Variants in COBLL1 observed in about 807,000 individuals in gnomAD.
The protein encoded by COBLL1 is cordon-bleu WH2 repeat protein like 1.
In COBLL1, 50 loss-of-function variants were observed where a neutral mutation model predicts 94.8. The ratio of observed to expected loss-of-function variants is 0.53; its 90% CI spans 0.42 to 0.67. The LOEUF (loss-of-function observed/expected upper bound fraction) is 0.67. Among genes scored for constraint, COBLL1 ranks in the 30% least tolerant of loss-of-function variants. The pLI, the probability that COBLL1 is intolerant of heterozygous loss-of-function variation, is 0.00. For missense variants in COBLL1, 1,362 were observed against 1,348.7 expected (o/e 1.01, Z -0.15); for synonymous variants, 448 against 473.8 (o/e 0.95, Z 0.71).
chr2:164,727,056 T>C, intron 5 of COBLL1: 2 of 951,082 alleles, frequency 2.1e-6, no homozygotes. Context: ...TTAATTTCAA[T>C]ATATCCAATT....
chr2:164,674,910 T>C lies in COBLL1; in HGVS notation n.127-9009A>G, dbSNP rs185683549. 2.4e-3 allele frequency among the ~76,000 whole-genome samples: 373 copies of C among 152,390 alleles called. 3 individuals carry two copies. The highest frequency in any genetic ancestry group is 8.6e-3 in the African/African-American group (358 of 41,590). On this transcript the variant is annotated intron_variant and non_coding_transcript_variant, in intron 1 of 2. Coordinates refer to the COBLL1 transcript ENST00000495084. ...TCTTTGTTATTTCTACACTGAATCA[T>C]ACCCTTTTAAATGAAGCAAGTGAAA...
rs1415006543 is a variant in COBLL1 at position 164,684,076 on chromosome 2, T to C, written c.*1870A>G. 1 of 152,166 alleles carries C rather than the reference T, an allele frequency of 6.6e-6. No individual in the cohort carries two copies. Among genetic ancestry groups the C allele is most frequent in the Non-Finnish European group, 1.5e-5 (1 of 68,006 alleles). 9.4% of individuals were successfully genotyped at this position (152,166 alleles called of 1,614,324 possible). The stretch of plus-strand genomic sequence containing the variant: ...CACTGTTTGATGTTCCTGACAACAC[T>C]TGCTATTTTGAAACTTCCGTTTTTG... On this transcript the variant is annotated 3_prime_UTR_variant, in exon 14 of 14. Coordinates refer to ENST00000652658, the MANE Select transcript of COBLL1 (RefSeq NM_001365672.2).
At chr2:164,703,362 A>C in intron 9 of COBLL1, 2 of 601,790 alleles carry the variant, frequency 3.3e-6, no homozygotes, top group South Asian at 2.1e-5. Context: ...AAAAGGAAAA[A>C]AACAAATGAA....
At chr2:164,820,716 G>C (rs1418807276) in intron 2 of COBLL1, among the ~76,000 whole-genome samples, 1 of 152,136 alleles carries the variant, frequency 6.6e-6, no homozygotes, top group Non-Finnish European at 1.5e-5. Context: ...CTACCCTCTT[G>C]CATGATCACA....
At chr2:164,774,690 T>C (rs752554317) in intron 2 of COBLL1, among the ~76,000 whole-genome samples, 1 of 152,200 alleles carries the variant, frequency 6.6e-6, no homozygotes, top group Non-Finnish European at 1.5e-5. Context: ...TATACAGCTC[T>C]ACGTACTTTG....
intron 9 of COBLL1, chr2:164,703,122 C>A: frequency 6.2e-7 from 1 of 1,612,050 alleles, no homozygotes; most frequent in Non-Finnish European, 8.5e-7. Flanking sequence ...GATGTTATGG[C>A]TGCCTCAGGT....
chr2:164,702,115 T>C (rs1574435430), intron 9 of COBLL1, among the ~76,000 whole-genome samples: 1 of 152,140 alleles, frequency 6.6e-6, no homozygotes, highest in Non-Finnish European at 1.5e-5. Context: ...TTAATAAAAA[T>C]AGATTACTCA....
intron 9 of COBLL1, among the ~76,000 whole-genome samples, chr2:164,701,140 G>A (rs958521354): frequency 2.0e-5 from 3 of 152,150 alleles, no homozygotes; most frequent in Non-Finnish European, 2.9e-5. Context: ...AAAATGAAAA[G>A]CACATGAGAT....
chr2:164,812,596 G>C (rs547066063), intron 2 of COBLL1, among the ~76,000 whole-genome samples: 1 of 151,930 alleles, frequency 6.6e-6, no homozygotes, highest in East Asian at 1.9e-4. Flanking sequence ...CAAACCTCCT[G>C]TAACTCTGGC....
At chr2:164,703,216 G>C (rs1390713583) in intron 9 of COBLL1, 4 of 1,608,630 alleles carry the variant, frequency 2.5e-6, no homozygotes, top group Non-Finnish European at 3.4e-6. Flanking sequence ...CAGGGTGAAA[G>C]GTTTCTGCCA....
chr2:164,835,392 G>A (rs1683273009), intron 2 of COBLL1, among the ~76,000 whole-genome samples: 1 of 152,150 alleles, frequency 6.6e-6, no homozygotes, highest in African/African-American at 2.4e-5. Context: ...TGTGAAATAA[G>A]CCAGTCAAAA....
intron 2 of COBLL1, among the ~76,000 whole-genome samples, chr2:164,798,820 C>T (rs1683609469): frequency 6.6e-6 from 1 of 151,554 alleles, no homozygotes; most frequent in East Asian, 2.0e-4. Flanking sequence ...GAGATCGAGA[C>T]CACCCTGGCT....
At chr2:164,750,421 C>G (rs530988356) in intron 2 of COBLL1, among the ~76,000 whole-genome samples, 2 of 152,298 alleles carry the variant, frequency 1.3e-5, no homozygotes, top group South Asian at 2.1e-4. Flanking sequence ...AATCTGTTAA[C>G]AATTCCCCTG....
At chr2:164,711,209 AATACATAGCACAGTGCCTAGC>A (rs1283347259) in intron 7 of COBLL1, among the ~76,000 whole-genome samples, 1 of 152,212 alleles carries the variant, frequency 6.6e-6, no homozygotes, top group African/African-American at 2.4e-5. Flanking sequence ...TTATATGTAA[AATACATAGCACAGTGCCTAGC>A]ATACAATACA....
At chr2:164,703,628 C>G in intron 9 of COBLL1, 1 of 420,780 alleles carries the variant, frequency 2.4e-6, no homozygotes, top group South Asian at 1.8e-5. Flanking sequence ...TCTTAAATAC[C>G]ACTTAAAGAT....
chr2:164,694,354 A>G lies in COBLL1; in HGVS notation c.3038T>C (p.Val1013Ala). The change falls in exon 12 of 14, where the codon GTC becomes GCC. Residue 1013 changes from valine to alanine, a missense_variant. Transcript: ENST00000652658. ...RTESPSASAL[V>A]QPPANTEEGK... ...TTCCTCTGTGTTGGCTGGAGGTTGGACCAATGCACTGGCACTAGGTGACTC... is the reference window on the plus strand; with the variant it reads ...TTCCTCTGTGTTGGCTGGAGGTTGGGCCAATGCACTGGCACTAGGTGACTC... 2 of 1,613,982 alleles carry G rather than the reference A, an allele frequency of 1.2e-6. No homozygotes were observed. The highest frequency in any genetic ancestry group is 1.7e-6 in the Non-Finnish European group (2 of 1,179,924).
intron 1 of COBLL1, among the ~76,000 whole-genome samples, chr2:164,672,135 T>G (rs1691251944): frequency 6.6e-6 from 1 of 152,188 alleles, no homozygotes. Context: ...ACAGCTACAG[T>G]GCTCTCAGGA....
At chr2:164,687,512 CGGACATGGTAACTT>C in intron 13 of COBLL1, 1 of 1,431,690 alleles carries the variant, frequency 7.0e-7, no homozygotes, top group Middle Eastern at 2.4e-4. Flanking sequence ...TTGGTGCGGA[CGGACATGGTAACTT>C]GGCCAATGTG....
chr2:164,721,350 C>T (rs539866666), intron 7 of COBLL1, among the ~76,000 whole-genome samples: 1 of 152,078 alleles, frequency 6.6e-6, no homozygotes, highest in Non-Finnish European at 1.5e-5. Context: ...CCTAAAAATT[C>T]ATTTATTTTT....
Sources: allele counts gnomAD v4.1 joint callset (sites outside exome capture counted in the v4.1 genomes callset), GRCh38; gene constraint gnomAD v4.1.1; transcripts MANE v1.5; gene names NCBI Gene and HGNC (gene_info 2026-07-23, HGNC 2026-07-21).